The following TM9SF4 variants were observed in gnomAD, a reference collection of about 807,000 sequenced individuals.
The protein encoded by TM9SF4 is transmembrane 9 superfamily member 4, also known as dinucleotide oxidase disulfide thiol exchanger 3 superfamily member 4.
TM9SF4 carries 26 observed loss-of-function variants against 90.4 expected under a neutral mutation model. The ratio of observed to expected loss-of-function variants is 0.29; its 90% confidence interval spans 0.21 to 0.40. The LOEUF (loss-of-function observed/expected upper bound fraction) is 0.40. TM9SF4 is among the 10% of genes least tolerant of loss of function. The pLI is 1.00. For missense variants in TM9SF4, 549 were observed against 834.8 expected, an observed-to-expected ratio of 0.66 and a Z score of 4.22; for synonymous variants, 293 against 315.4, an observed-to-expected ratio of 0.93 and a Z score of 0.75.
At chr20:32,155,307 G>A (rs1437413541) in intron 13 of TM9SF4, 121 bp downstream of exon 13, 12 of 885,756 alleles carry the variant, frequency 1.4e-5, no homozygotes, top group Non-Finnish European at 1.8e-5. Context: ...CCAGAGTTAC[G>A]TTCCCAGCCA....
intron 3 of TM9SF4, chr20:32,136,761 C>T (rs1200290069): frequency 4.4e-6 from 2 of 451,574 alleles, no homozygotes; most frequent in Non-Finnish European, 9.3e-6. Context: ...GGTGTCTAGT[C>T]GTACACAGTT....
chr20:32,133,957 C>A (rs1467883098), intron 2 of TM9SF4, among the ~76,000 whole-genome samples: 3 of 151,846 alleles, frequency 2.0e-5, no homozygotes, highest in Non-Finnish European at 4.4e-5. Context: ...CAGGTGTGCA[C>A]CACCATGCCT....
intron 12 of TM9SF4, among the ~76,000 whole-genome samples, chr20:32,151,968 TCTC>T (rs1337162159): frequency 6.6e-6 from 1 of 151,958 alleles, no homozygotes; most frequent in African/African-American, 2.4e-5. Context: ...TTCACACTAT[TCTC>T]CTGCCTCCAC....
chr20:32,126,967 C>G (rs1263675607), intron 1 of TM9SF4, among the ~76,000 whole-genome samples: 1 of 152,124 alleles, frequency 6.6e-6, no homozygotes, highest in Non-Finnish European at 1.5e-5. Context: ...CTCCTGACCT[C>G]AGGTGAACCG....
intron 1 of TM9SF4, among the ~76,000 whole-genome samples, chr20:32,124,380 C>T (rs934897734): frequency 5.3e-5 from 8 of 152,140 alleles, no homozygotes; most frequent in Admixed American, 3.3e-4. Context: ...TGTGGCAGTA[C>T]AGTTCTTCTT....
At chr20:32,158,374 C>A in intron 14 of TM9SF4, 77 bp from the exon 15 acceptor site, 2 of 1,424,330 alleles carry the variant, frequency 1.4e-6, no homozygotes, top group Non-Finnish European at 2.0e-6. Flanking sequence ...GCTCTCTCTT[C>A]ATGCCAGCTT....
At chr20:32,110,184 C>T (rs964951509) in intron 1 of TM9SF4, 2 of 536,472 alleles carry the variant, frequency 3.7e-6, no homozygotes, top group South Asian at 9.7e-5. Context: ...GCAGATGTGA[C>T]CTCTCCTCTG....
At chr20:32,154,693 T>C (rs60262150) in intron 12 of TM9SF4, among the ~76,000 whole-genome samples, 1,886 of 152,246 alleles carry the variant, frequency 0.012, 44 homozygotes, top group African/African-American at 0.043. Context: ...CCTCAGGTGA[T>C]CCACCTACCT....
chr20:32,130,115 C>G (rs2046489118), intron 1 of TM9SF4, among the ~76,000 whole-genome samples: 1 of 152,162 alleles, frequency 6.6e-6, no homozygotes. Flanking sequence ...ATTTTAATAT[C>G]TAAAATAGAC....
At chr20:32,141,975 G>A in intron 5 of TM9SF4, 80 bp downstream of exon 5, 2 of 1,585,592 alleles carry the variant, frequency 1.3e-6, no homozygotes, top group South Asian at 1.1e-5. Context: ...AGAAAAGGTG[G>A]GGCTCGGCCA....
In TM9SF4 at chr20:32,158,553, A is replaced by G. The variant is rs1287522314; in HGVS notation, c.1569+39A>G. Reference sequence around the variant, plus strand: ...CCTCCCCCACCCCTCCACCCATGCTAGCCGGGTCACTCCCACTCCACTCGG... The same window carrying G: ...CCTCCCCCACCCCTCCACCCATGCTGGCCGGGTCACTCCCACTCCACTCGG... On this transcript the variant is annotated intron_variant, in intron 15 of 17. Coordinates refer to ENST00000398022, the MANE Select transcript of TM9SF4 (RefSeq NM_014742.4). The G allele has an allele frequency of 1.9e-6, 3 of 1,603,518 alleles. No homozygotes were observed. In the South Asian group the frequency reaches 3.3e-5, roughly 18 times the overall value.
At chr20:32,160,721 C>A (rs773562017) in intron 16 of TM9SF4, among the ~76,000 whole-genome samples, 5 of 151,962 alleles carry the variant, frequency 3.3e-5, no homozygotes, top group African/African-American at 9.7e-5. Flanking sequence ...GAGGCTGAGG[C>A]GGGCAGATCA....
intron 3 of TM9SF4, among the ~76,000 whole-genome samples, chr20:32,138,249 C>T (rs2046621512): frequency 6.6e-6 from 1 of 152,082 alleles, no homozygotes; most frequent in Non-Finnish European, 1.5e-5. Context: ...TGTATTGGAG[C>T]AGCTTTGGCA....
chr20:32,158,074 C>G (rs1403111115), intron 14 of TM9SF4, 105 bp downstream of exon 14: 6 of 1,456,050 alleles, frequency 4.1e-6, no homozygotes, highest in Non-Finnish European at 5.6e-6. Context: ...CTTCAGCCGG[C>G]TCTAATAGAG....
chr20:32,163,268 A>AAAAATATATATATATAT (rs1555886757), intron 17 of TM9SF4, among the ~76,000 whole-genome samples: 1 of 74,476 alleles, frequency 1.3e-5, no homozygotes, highest in African/African-American at 5.9e-5. Flanking sequence ...AAAAAAAAAA[A>AAAAATATATATATATAT]ATATATATAT....
At chr20:32,121,073 T>A (rs1176854512) in intron 1 of TM9SF4, among the ~76,000 whole-genome samples, 1 of 152,202 alleles carries the variant, frequency 6.6e-6, no homozygotes, top group Non-Finnish European at 1.5e-5. Context: ...CACAGGATAG[T>A]TGTCCGTAGT....
intron 3 of TM9SF4, among the ~76,000 whole-genome samples, chr20:32,141,231 A>G (rs1337649373): frequency 4.0e-5 from 6 of 150,866 alleles, no homozygotes; most frequent in Non-Finnish European, 8.9e-5. Context: ...AAAAAAAAAA[A>G]AAAAAAAAAA....
At chr20:32,148,663 CTTTT>C (rs1234035990) in intron 9 of TM9SF4, among the ~76,000 whole-genome samples, 2 of 120,150 alleles carry the variant, frequency 1.7e-5, no homozygotes, top group Admixed American at 8.7e-5. Flanking sequence ...AATATTACAG[CTTTT>C]TTTTTTTTTT....
intron 1 of TM9SF4, among the ~76,000 whole-genome samples, chr20:32,126,273 A>C (rs1220595113): frequency 6.6e-6 from 1 of 152,172 alleles, no homozygotes; most frequent in African/African-American, 2.4e-5. Context: ...AGAAATGCAG[A>C]GTCTCAGGCC....
Sources: allele counts gnomAD v4.1 joint callset (sites outside exome capture counted in the v4.1 genomes callset), GRCh38; gene constraint gnomAD v4.1.1; transcripts MANE v1.5; gene names NCBI Gene and HGNC (gene_info 2026-07-23, HGNC 2026-07-21).